Variants in VSIG10 observed in about 807,000 individuals in gnomAD.
VSIG10 encodes V-set and immunoglobulin domain-containing protein 10.
VSIG10 carries 48 observed loss-of-function variants against 58.7 expected under a neutral mutation model. The observed-to-expected ratio is 0.82, with a 90% CI of 0.65 to 1.04. The LOEUF (loss-of-function observed/expected upper bound fraction) is 1.04, where lower values mean the gene tolerates loss of function less well. VSIG10 is among the 50% of genes least tolerant of loss of function. The pLI is 0.00. For missense variants in VSIG10, 628 were observed against 670.0 expected (o/e 0.94, Z 0.69); for synonymous variants, 260 against 267.1 (o/e 0.97, Z 0.26).
At chr12:118,069,488 CA>C (rs1428973764) in intron 7 of VSIG10, among the ~76,000 whole-genome samples, 1 of 144,372 alleles carries the variant, frequency 6.9e-6, no homozygotes, top group Non-Finnish European at 1.5e-5. Context: ...TGCAATGGCA[CA>C]ATCATGGCTC....
intron 1 of VSIG10, chr12:118,101,517 C>A (rs1454937895): frequency 2.0e-5 from 3 of 152,106 alleles, no homozygotes; most frequent in Admixed American, 6.6e-5. Context: ...TTCTTGCCCC[C>A]CAACCTTAAA....
In VSIG10 at chr12:118,079,534, C is replaced by A; in HGVS notation, c.737G>T (p.Arg246Leu). ...SGSFMLQLTC[R>L]WDGGYPDPDF... is the part of the protein sequence containing the mutation. ...AGGGTCAGGGTATCCCCCATCCCAG[C>A]GACAGGTAAGCTGCAACATGAACGA... is the stretch of plus-strand genomic sequence containing the variant. Residue 246 changes from arginine (R) to leucine (L), a missense_variant, in exon 4 of 9, where the codon CGC becomes CTC. By Grantham distance (102) the Arg-to-Leu change is moderately radical (BLOSUM62 -2). Coordinates refer to ENST00000359236, the MANE Select transcript of VSIG10 (RefSeq NM_019086.6). The A allele has an allele frequency of 1.9e-6, 3 of 1,614,018 alleles. No homozygotes were observed. The highest frequency in any genetic ancestry group is 2.5e-6 in the Non-Finnish European group (3 of 1,179,902).
chr12:118,100,134 C>G (rs2033585345), intron 1 of VSIG10, among the ~76,000 whole-genome samples: 1 of 152,158 alleles, frequency 6.6e-6, no homozygotes, highest in Admixed American at 6.5e-5. Context: ...TTTTGGGAGG[C>G]CGAGGCAGGT....
At chr12:118,087,071 A>C (rs1345127509) in intron 2 of VSIG10, among the ~76,000 whole-genome samples, 1 of 151,556 alleles carries the variant, frequency 6.6e-6, no homozygotes, top group Non-Finnish European at 1.5e-5. Context: ...CCTAAATTTA[A>C]AAATTGAAAA....
intron 1 of VSIG10, among the ~76,000 whole-genome samples, chr12:118,099,618 T>C (rs2033571130): frequency 1.3e-5 from 2 of 152,160 alleles, no homozygotes; most frequent in Admixed American, 6.5e-5. Flanking sequence ...GCAGAACCTG[T>C]TGGGGTGATA....
intron 1 of VSIG10, among the ~76,000 whole-genome samples, chr12:118,099,324 TG>T (rs369962151): frequency 7.1e-6 from 1 of 140,220 alleles, no homozygotes; most frequent in African/African-American, 2.6e-5. Flanking sequence ...CGGGTTGGGG[TG>T]GGGGGTCTCA....
chr12:118,093,878 C>T (rs1393273527), intron 2 of VSIG10, among the ~76,000 whole-genome samples: 2 of 152,032 alleles, frequency 1.3e-5, no homozygotes, highest in African/African-American at 2.4e-5. Context: ...CACTGCACTC[C>T]AGCCTGGGCG....
At chr12:118,069,544 A>G (rs1234797844) in intron 7 of VSIG10, among the ~76,000 whole-genome samples, 2 of 145,680 alleles carry the variant, frequency 1.4e-5, no homozygotes, top group Non-Finnish European at 3.0e-5. Flanking sequence ...TCCTGCTTCA[A>G]CCTCCCAAGC....
chr12:118,082,876 G>A (rs2033003344), intron 2 of VSIG10, among the ~76,000 whole-genome samples: 1 of 151,558 alleles, frequency 6.6e-6, no homozygotes, highest in Admixed American at 6.6e-5. Context: ...ACTTTAGGAG[G>A]CCAAGGCAGG....
chr12:118,103,477 T>C, intron 1 of VSIG10, 116 bp downstream of exon 1: 2 of 1,104,518 alleles, frequency 1.8e-6, no homozygotes, highest in Non-Finnish European at 2.4e-6. Flanking sequence ...GGGCAGCTTC[T>C]AGGCTGGGGC....
intron 7 of VSIG10, 136 bp from the exon 8 acceptor site, chr12:118,068,733 GTGA>G: frequency 3.5e-6 from 4 of 1,143,970 alleles, no homozygotes; most frequent in Non-Finnish European, 4.8e-6. Context: ...AAGTAATGAG[GTGA>G]TGGTGTGGTA....
chr12:118,103,794 C>T lies in VSIG10; in HGVS notation c.-123G>A. The stretch of plus-strand genomic sequence containing the variant: ...GGTCCTCGGAACGGCAGAGTGGCCC[C>T]ACTTCCTCGGCCCCCAGGAAGGATG... On this transcript the variant is annotated 5_prime_UTR_variant, in exon 1 of 9. Transcript: ENST00000359236. 2 of 935,000 alleles carry T rather than the reference C, an allele frequency of 2.1e-6. No homozygotes were observed. The highest frequency in any genetic ancestry group is 2.9e-6 in the Non-Finnish European group (2 of 678,762). 57.9% of individuals were successfully genotyped at this position (935,000 alleles called of 1,614,324 possible). A position where few individuals can be genotyped will look rare whatever the true frequency, so the allele number is the denominator to read the frequency against.
At chr12:118,077,965 G>A (rs1386775587) in intron 4 of VSIG10, among the ~76,000 whole-genome samples, 2 of 152,022 alleles carry the variant, frequency 1.3e-5, no homozygotes, top group African/African-American at 4.8e-5. Context: ...ATAATAAATG[G>A]TTATTCTTGT....
rs1040187412 is a variant in VSIG10 at position 118,103,804 on chromosome 12, G to A, written c.-133C>T. ...ACGGCAGAGTGGCCCCACTTCCTCG[G>A]CCCCCAGGAAGGATGCTTGGCTGAG... On this transcript the variant is annotated 5_prime_UTR_variant, in exon 1 of 9. Transcript: ENST00000359236. 9.3e-6 allele frequency: 8 copies of A among 862,034 alleles called. No homozygotes were observed. The highest frequency in any genetic ancestry group is 7.2e-5 in the African/African-American group (4 of 55,808). The allele number at this position is 862,034 out of a possible 1,614,324, so 53.4% of individuals were successfully genotyped here.
intron 1 of VSIG10, 109 bp from the exon 2 acceptor site, chr12:118,095,923 CTTTTTTT>C (rs1030344556): frequency 2.6e-5 from 20 of 757,856 alleles, no homozygotes; most frequent in South Asian, 4.3e-5. Flanking sequence ...GGTATATGTT[CTTTTTTT>C]TTTTTTTTTT....
intron 2 of VSIG10, among the ~76,000 whole-genome samples, chr12:118,092,913 G>A (rs562533937): frequency 2.7e-5 from 4 of 150,544 alleles, no homozygotes; most frequent in Non-Finnish European, 4.4e-5. Flanking sequence ...TGGGATTACC[G>A]ACGTGACCCA....
At chr12:118,096,660 A>C (rs1016170160) in intron 1 of VSIG10, among the ~76,000 whole-genome samples, 2 of 150,778 alleles carry the variant, frequency 1.3e-5, no homozygotes, top group African/African-American at 4.9e-5. Flanking sequence ...GAATCACTTG[A>C]TCCGCCGGCC....
rs377363706 is a variant in VSIG10 at position 118,090,089 on chromosome 12, G to A, written c.361+5444C>T. On this transcript the variant is annotated intron_variant, in intron 2 of 8. Coordinates refer to ENST00000359236, the MANE Select transcript of VSIG10 (RefSeq NM_019086.6). Reference sequence around the variant, plus strand: ...CACACTTTGGGAGGCTGAGGCGGGCGGATCACCTGGGGTCAGGAGTTCAAG... The same window carrying A: ...CACACTTTGGGAGGCTGAGGCGGGCAGATCACCTGGGGTCAGGAGTTCAAG... 1.3e-4 allele frequency among the ~76,000 whole-genome samples: 20 copies of A among 152,278 alleles called. No homozygotes were observed. In the East Asian group the frequency reaches 2.9e-3, roughly 22 times the overall value.
rs1210268877 is a variant in VSIG10 at position 118,103,811 on chromosome 12, G to A, written c.-140C>T. The A allele has an allele frequency of 2.5e-6, 2 of 803,154 alleles. No homozygotes were observed. The highest frequency in any genetic ancestry group is 1.8e-6 in the Non-Finnish European group (1 of 560,018). The allele number at this position is 803,154 out of a possible 1,614,324, so 49.8% of individuals were successfully genotyped here. ...AGTGGCCCCACTTCCTCGGCCCCCA[G>A]GAAGGATGCTTGGCTGAGCCGAGTG... is the stretch of plus-strand genomic sequence containing the variant. On this transcript the variant is annotated 5_prime_UTR_variant, in exon 1 of 9. Coordinates refer to ENST00000359236, the MANE Select transcript of VSIG10 (RefSeq NM_019086.6).
Sources: allele counts gnomAD v4.1 joint callset (sites outside exome capture counted in the v4.1 genomes callset), GRCh38; gene constraint gnomAD v4.1.1; transcripts MANE v1.5; gene names NCBI Gene and HGNC (gene_info 2026-07-23, HGNC 2026-07-21).